Variants in MAPK8 observed in about 807,000 individuals in gnomAD.
The protein encoded by MAPK8 is JUN N-terminal kinase.
In MAPK8, 13 loss-of-function variants were observed where a neutral mutation model predicts 52.9. That is an observed-to-expected ratio of 0.25 (90% CI 0.16 to 0.39). MAPK8 has a LOEUF of 0.39. Ranked by LOEUF, MAPK8 falls within the 10% of genes least tolerant of loss-of-function variation. MAPK8 has a pLI of 1.00. For synonymous variants in MAPK8, 191 were observed against 169.8 expected, an observed-to-expected ratio of 1.12 and a Z score of -0.97; for missense variants, 300 against 519.2, an observed-to-expected ratio of 0.58 and a Z score of 4.10.
At chr10:48,331,780 G>A (rs1844171898) in intron 1 of MAPK8, among the ~76,000 whole-genome samples, 1 of 152,172 alleles carries the variant, frequency 6.6e-6, no homozygotes, top group African/African-American at 2.4e-5. Context: ...ATAGTAGGGA[G>A]GATCTGTAGC....
intron 1 of MAPK8, among the ~76,000 whole-genome samples, chr10:48,385,776 A>T (rs895273685): frequency 6.6e-6 from 1 of 152,186 alleles, no homozygotes; most frequent in Admixed American, 6.5e-5. Flanking sequence ...TAGATTTGTC[A>T]TATTTGGTTA....
chr10:48,336,540 G>T (rs1844707828), intron 1 of MAPK8, among the ~76,000 whole-genome samples: 1 of 152,040 alleles, frequency 6.6e-6, no homozygotes, highest in African/African-American at 2.4e-5. Flanking sequence ...TATAGCTATT[G>T]AAATTTACTC....
Position 48,393,783 on chromosome 10 carries a change from A to G in MAPK8, c.-49-7829A>G, listed in dbSNP as rs538156580. On this transcript the variant is annotated intron_variant, in intron 1 of 11. Transcript: ENST00000374189. ...TTTAAGATTGCATTTTAAGAAACTA[A>G]AAGAAAGAATAGCTCCAAAACAAGC... is the stretch of plus-strand genomic sequence containing the variant. 7.9e-5 allele frequency among the ~76,000 whole-genome samples: 12 copies of G among 152,164 alleles called. No homozygotes were observed. The East Asian group carries it at 2.3e-3, about 29-fold the overall frequency.
At chr10:48,334,297 C>G (rs1209886391) in intron 1 of MAPK8, among the ~76,000 whole-genome samples, 1 of 152,200 alleles carries the variant, frequency 6.6e-6, no homozygotes, top group Non-Finnish European at 1.5e-5. Flanking sequence ...GAGCTTTTCC[C>G]TGTGTACTCA....
chr10:48,398,507 A>G (rs945358286), intron 1 of MAPK8, among the ~76,000 whole-genome samples: 1 of 152,246 alleles, frequency 6.6e-6, no homozygotes, highest in African/African-American at 2.4e-5. Flanking sequence ...CAAATGAAAA[A>G]TGATATGGCC....
intron 1 of MAPK8, among the ~76,000 whole-genome samples, chr10:48,372,655 T>A (rs1333075652): frequency 6.8e-6 from 1 of 147,270 alleles, no homozygotes; most frequent in Non-Finnish European, 1.5e-5. Flanking sequence ...TGAAATAAAG[T>A]AAGAAGACCA....
At chr10:48,411,860 TTCCCCTCCCC>T (rs201982590) in intron 5 of MAPK8, among the ~76,000 whole-genome samples, 15 of 117,696 alleles carry the variant, frequency 1.3e-4, no homozygotes, top group Non-Finnish European at 1.9e-4. Context: ...CTCTCCTCTC[TTCCCCTCCCC>T]TCCCCTCCCC....
At chr10:48,346,573 G>A (rs1021068297) in intron 1 of MAPK8, among the ~76,000 whole-genome samples, 6 of 152,196 alleles carry the variant, frequency 3.9e-5, no homozygotes, top group South Asian at 4.1e-4. Flanking sequence ...CCCTTTCCCC[G>A]GGGGAGTTTA....
intron 1 of MAPK8, among the ~76,000 whole-genome samples, chr10:48,343,236 C>T (rs1375573338): frequency 1.3e-5 from 2 of 152,206 alleles, no homozygotes; most frequent in Non-Finnish European, 2.9e-5. Flanking sequence ...TCTCCAGAGT[C>T]TCCAGGGGAG....
At chr10:48,316,730 T>A (rs12252051) in intron 1 of MAPK8, among the ~76,000 whole-genome samples, 3,414 of 152,300 alleles carry the variant, frequency 0.022, 140 homozygotes, top group African/African-American at 0.078. Flanking sequence ...TAAAATTATA[T>A]GGTAGTTAGG....
At position 48,435,114 on chromosome 10, in the gene MAPK8, T is replaced by C. The variant is rs2044749633; in HGVS notation, c.*85T>C. On this transcript the variant is annotated 3_prime_UTR_variant, in exon 12 of 12. Coordinates refer to ENST00000374189, the MANE Select transcript of MAPK8 (RefSeq NM_001323329.2). The stretch of plus-strand genomic sequence containing the variant: ...CTTTGAAAACAATTCAGTGGTCTTA[T>C]TTTTGGGTGATTTTTCAAAAAATGT... 9.4e-7 allele frequency: 1 copy of C among 1,059,534 alleles called. No individual in the cohort carries two copies. The highest frequency in any genetic ancestry group is 1.3e-6 in the Non-Finnish European group (1 of 782,384). 65.6% of individuals were successfully genotyped at this position (1,059,534 alleles called of 1,614,324 possible). A position where few individuals can be genotyped will look rare whatever the true frequency, so the allele number is the denominator to read the frequency against.
rs1196680350 is a variant in MAPK8, at chr10:48,437,999, G to C, written c.*2970G>C. ...CTTTCCTTGGTTACAGATAAGACTT[G>C]GTTTACACTATTGGCCAGTATCTGC... On this transcript the variant is annotated 3_prime_UTR_variant, in exon 12 of 12. Transcript: ENST00000374189. The C allele has an allele frequency of 6.6e-6, 1 of 152,190 alleles. No homozygotes were observed. The highest frequency in any genetic ancestry group is 2.4e-5 in the African/African-American group (1 of 41,442). The allele number at this position is 152,190 out of a possible 1,614,324, so 9.4% of individuals were successfully genotyped here.
At chr10:48,356,648 C>T (rs1846973204) in intron 1 of MAPK8, among the ~76,000 whole-genome samples, 1 of 151,770 alleles carries the variant, frequency 6.6e-6, no homozygotes, top group African/African-American at 2.4e-5. Flanking sequence ...TCAAGACCAG[C>T]CTGGCCAACA....
intron 1 of MAPK8, among the ~76,000 whole-genome samples, chr10:48,400,551 C>G (rs919152427): frequency 3.3e-5 from 5 of 152,188 alleles, no homozygotes; most frequent in African/African-American, 1.2e-4. Context: ...CTCATGCTCT[C>G]TCCAGTGGCT....
At chr10:48,338,693 A>G (rs1324543504) in intron 1 of MAPK8, among the ~76,000 whole-genome samples, 1 of 152,194 alleles carries the variant, frequency 6.6e-6, no homozygotes, top group Non-Finnish European at 1.5e-5. Flanking sequence ...ATTCCCCGAA[A>G]GACTCCTGGA....
At chr10:48,433,145 C>G (rs907993762) in intron 11 of MAPK8, among the ~76,000 whole-genome samples, 1 of 152,146 alleles carries the variant, frequency 6.6e-6, no homozygotes, top group Admixed American at 6.5e-5. Context: ...CATATTATTA[C>G]CATTCAGATA....
chr10:48,331,218 C>T (rs757330884), intron 1 of MAPK8, among the ~76,000 whole-genome samples: 1 of 152,148 alleles, frequency 6.6e-6, no homozygotes, highest in Non-Finnish European at 1.5e-5. Context: ...CCTGCGAGAG[C>T]TATCCCTGAT....
At chr10:48,357,332 T>C (rs1372084688) in intron 1 of MAPK8, among the ~76,000 whole-genome samples, 1 of 152,214 alleles carries the variant, frequency 6.6e-6, no homozygotes, top group Non-Finnish European at 1.5e-5. Flanking sequence ...AAATAGTAAA[T>C]GCCGCTATCT....
chr10:48,370,163 G>T (rs1339781986), intron 1 of MAPK8, among the ~76,000 whole-genome samples: 1 of 152,150 alleles, frequency 6.6e-6, no homozygotes, highest in Non-Finnish European at 1.5e-5. Flanking sequence ...AAAGTATGTG[G>T]AAACTAGTTT....
Sources: gnomAD v4.1 joint callset for allele counts (sites outside exome capture counted in the v4.1 genomes callset) on GRCh38, gnomAD v4.1.1 for gene constraint, MANE v1.5 for transcripts, NCBI Gene and HGNC (gene_info 2026-07-23, HGNC 2026-07-21) for gene names.